The following CRB1 variants were observed in gnomAD, a reference collection of about 807,000 sequenced individuals.
CRB1 encodes the protein protein crumbs homolog 1.
CRB1 carries 83 observed loss-of-function variants against 120.0 expected under a neutral mutation model. The ratio of observed to expected loss-of-function variants is 0.69; its 90% CI spans 0.58 to 0.83. The LOEUF is 0.83. Ranked by LOEUF, CRB1 falls within the 40% of genes least tolerant of loss-of-function variation. The pLI is 0.00. For synonymous variants in CRB1, 625 were observed against 612.5 expected (o/e 1.02, Z -0.30); for missense variants, 1,699 against 1,687.6 (o/e 1.01, Z -0.12).
chr1:197,289,531 A>G (rs550562267), intron 1 of CRB1, among the ~76,000 whole-genome samples: 4 of 151,876 alleles, frequency 2.6e-5, no homozygotes, highest in African/African-American at 9.6e-5. Flanking sequence ...AGCTTCTTGA[A>G]TGTGAAGTTT....
intron 11 of CRB1, among the ~76,000 whole-genome samples, chr1:197,449,957 A>C (rs1203029032): frequency 6.6e-6 from 1 of 152,136 alleles, no homozygotes; most frequent in Non-Finnish European, 1.5e-5. Flanking sequence ...TGGTTCTTCA[A>C]GCCTGTAAGA....
chr1:197,327,626 C>CA (rs558318876), intron 1 of CRB1, among the ~76,000 whole-genome samples: 14 of 152,070 alleles, frequency 9.2e-5, no homozygotes, highest in Non-Finnish European at 1.9e-4. Context: ...TCTCAGCAGA[C>CA]AAAAAAACTT....
chr1:197,438,734 T>C, intron 10 of CRB1, 59 bp downstream of exon 10: 1 of 1,595,438 alleles, frequency 6.3e-7, no homozygotes, highest in South Asian at 1.1e-5. Flanking sequence ...ATGGGATTAC[T>C]CAAAGTTCAT....
chr1:197,379,844 C>T (rs1262923167), intron 5 of CRB1, among the ~76,000 whole-genome samples: 1 of 152,134 alleles, frequency 6.6e-6, no homozygotes, highest in Non-Finnish European at 1.5e-5. Context: ...TCTCTTCCTG[C>T]TAATGATAAC....
At chr1:197,429,180 A>G (rs1449208558) in intron 7 of CRB1, 2 of 1,519,296 alleles carry the variant, frequency 1.3e-6, no homozygotes, top group Admixed American at 2.0e-5. Context: ...ATTACAGAGG[A>G]CACTGCTATA....
chr1:197,330,384 C>G (rs1056188852), intron 2 of CRB1, among the ~76,000 whole-genome samples: 1 of 152,146 alleles, frequency 6.6e-6, no homozygotes, highest in Admixed American at 6.6e-5. Context: ...AGACCTATGC[C>G]GTAGTTCTGA....
chr1:197,406,837 A>G (rs1663435934), intron 5 of CRB1, among the ~76,000 whole-genome samples: 2 of 152,342 alleles, frequency 1.3e-5, no homozygotes, highest in East Asian at 3.9e-4. Context: ...TATATTTTCT[A>G]AAATATTTAC....
intron 11 of CRB1, among the ~76,000 whole-genome samples, chr1:197,459,212 G>A (rs182059949): frequency 9.2e-5 from 14 of 152,198 alleles, no homozygotes; most frequent in Admixed American, 6.6e-4. Context: ...TAAAAATCCA[G>A]CCAGAGAAGA....
chr1:197,467,668 T>C (rs1203715548), intron 11 of CRB1, among the ~76,000 whole-genome samples: 2 of 152,222 alleles, frequency 1.3e-5, no homozygotes, highest in Non-Finnish European at 2.9e-5. Flanking sequence ...ATAAAATCAA[T>C]TGGCATATTT....
At chr1:197,453,829 T>A (rs1438191683) in intron 11 of CRB1, among the ~76,000 whole-genome samples, 4 of 143,032 alleles carry the variant, frequency 2.8e-5, no homozygotes, top group Non-Finnish European at 6.0e-5. Context: ...TTATTAATTA[T>A]TAATATATTA....
chr1:197,385,783 T>A (rs1662183297), intron 5 of CRB1, among the ~76,000 whole-genome samples: 1 of 151,980 alleles, frequency 6.6e-6, no homozygotes, highest in Admixed American at 6.6e-5. Context: ...AATAATCACT[T>A]TAGGTATGAA....
At chr1:197,228,928 A>G in the CRB1 span, among the ~76,000 whole-genome samples, 2 of 152,150 alleles carry the variant, frequency 1.3e-5, no homozygotes, top group African/African-American at 2.4e-5. Context: ...CCCTGATAAA[A>G]CCATCAGATC....
intron 5 of CRB1, among the ~76,000 whole-genome samples, chr1:197,410,763 G>A (rs1663669380): frequency 6.6e-6 from 1 of 152,170 alleles, no homozygotes; most frequent in Non-Finnish European, 1.5e-5. Flanking sequence ...AGGACTGGGA[G>A]AATCACTAGA....
chr1:197,377,126 ATACAAACACATGCTC>A (rs372630373), intron 5 of CRB1, among the ~76,000 whole-genome samples: 1 of 152,238 alleles, frequency 6.6e-6, no homozygotes, highest in African/African-American at 2.4e-5. Flanking sequence ...ACCCCAACAC[ATACAAACACATGCTC>A]TATTTCCTTA....
At chr1:197,261,391 C>T in the CRB1 span, among the ~76,000 whole-genome samples, 1 of 152,146 alleles carries the variant, frequency 6.6e-6, no homozygotes, top group Non-Finnish European at 1.5e-5. Flanking sequence ...AACTATAGTA[C>T]ATGCATACTA....
At chr1:197,401,318 C>T (rs1042135974) in intron 5 of CRB1, among the ~76,000 whole-genome samples, 3 of 152,042 alleles carry the variant, frequency 2.0e-5, no homozygotes, top group African/African-American at 7.2e-5. Flanking sequence ...TACTTTTAAA[C>T]TTAAAAACAT....
In CRB1 at chr1:197,400,483, T is replaced by TTTGA. The variant is rs1553257499; in HGVS notation, c.1172-20516_1172-20515insTGAT. 3.3e-5 allele frequency among the ~76,000 whole-genome samples: 5 copies of TTTGA among 151,238 alleles called. No individual in the cohort carries two copies. In the South Asian group the frequency reaches 6.3e-4, roughly 19 times the overall value. On this transcript the variant is annotated intron_variant, in intron 5 of 11. Coordinates refer to ENST00000367400, the MANE Select transcript of CRB1 (RefSeq NM_201253.3). ...GAAGTAAAAGAGCATTTTTTTTTTT[T>TTTGA]TGATGATGATGATGATGATGTAATA...
chr1:197,442,620 A>C, intron 11 of CRB1: 1 of 1,130,834 alleles, frequency 8.8e-7, no homozygotes. Flanking sequence ...AATATGAAAA[A>C]AGTGTTCTTA....
the CRB1 span, among the ~76,000 whole-genome samples, chr1:197,217,053 C>T: frequency 6.6e-6 from 1 of 151,574 alleles, no homozygotes; most frequent in Non-Finnish European, 1.5e-5. Flanking sequence ...AAAAAACAAC[C>T]CAATTTTTAA....
Sources: allele counts gnomAD v4.1 joint callset (sites outside exome capture counted in the v4.1 genomes callset), GRCh38; gene constraint gnomAD v4.1.1; transcripts MANE v1.5; gene names NCBI Gene and HGNC (gene_info 2026-07-23, HGNC 2026-07-21).